The following TMEM135 variants were observed in gnomAD, a reference collection of about 807,000 sequenced individuals.
TMEM135 encodes the protein peroxisomal membrane protein 52.
Under a neutral mutation model 60.3 loss-of-function variants are expected in TMEM135, and 30 were observed. The ratio of observed to expected loss-of-function variants is 0.50; its 90% CI spans 0.37 to 0.68. The LOEUF (loss-of-function observed/expected upper bound fraction) is 0.68, where lower values mean the gene tolerates loss of function less well. Among genes scored for constraint, TMEM135 ranks in the 30% least tolerant of loss-of-function variants. TMEM135 has a pLI of 0.00. For synonymous variants in TMEM135, 190 were observed against 186.7 expected (o/e 1.02, Z -0.14); for missense variants, 468 against 548.8 (o/e 0.85, Z 1.47).
At chr11:87,141,322 A>G (rs560337686) in intron 4 of TMEM135, among the ~76,000 whole-genome samples, 42 of 152,124 alleles carry the variant, frequency 2.8e-4, no homozygotes, top group South Asian at 1.0e-3. Flanking sequence ...TTATTCCTAA[A>G]TGTTTAATAT....
chr11:87,108,097 G>A (rs1401699452), intron 4 of TMEM135, among the ~76,000 whole-genome samples: 2 of 152,050 alleles, frequency 1.3e-5, no homozygotes, highest in African/African-American at 2.4e-5. Flanking sequence ...TTGCCCACTT[G>A]TTGATGGGGT....
chr11:87,192,393 T>C (rs947059348), intron 5 of TMEM135, among the ~76,000 whole-genome samples: 10 of 152,150 alleles, frequency 6.6e-5, no homozygotes, highest in Admixed American at 2.6e-4. Flanking sequence ...ATTCAGAAGA[T>C]TGTTTCTTTT....
intron 5 of TMEM135, among the ~76,000 whole-genome samples, chr11:87,230,653 A>T (rs1014024120): frequency 1.3e-5 from 2 of 152,050 alleles, no homozygotes; most frequent in African/African-American, 4.8e-5. Flanking sequence ...GCTAAAGTTA[A>T]AATATGTAAA....
chr11:87,143,350 TTTTCTTTC>T (rs903631828), intron 4 of TMEM135, among the ~76,000 whole-genome samples: 1 of 149,622 alleles, frequency 6.7e-6, no homozygotes, highest in Non-Finnish European at 1.5e-5. Context: ...CATTGACTTC[TTTTCTTTC>T]TTTCTTTCTT....
At chr11:87,092,953 C>A (rs1035216011) in intron 4 of TMEM135, among the ~76,000 whole-genome samples, 1 of 148,506 alleles carries the variant, frequency 6.7e-6, no homozygotes, top group African/African-American at 2.5e-5. Context: ...GATCAGAACT[C>A]AGCTTTTGTA....
At chr11:87,126,064 G>A (rs939911191) in intron 4 of TMEM135, among the ~76,000 whole-genome samples, 4 of 152,022 alleles carry the variant, frequency 2.6e-5, no homozygotes, top group African/African-American at 9.7e-5. Flanking sequence ...TATTGTATTG[G>A]GATCTGCTTT....
intron 6 of TMEM135, among the ~76,000 whole-genome samples, chr11:87,244,719 C>T (rs1191092793): frequency 4.2e-5 from 6 of 141,226 alleles, no homozygotes; most frequent in Non-Finnish European, 7.8e-5. Context: ...TTTTTTATTG[C>T]ATCTATTTGA....
intron 3 of TMEM135, among the ~76,000 whole-genome samples, chr11:87,079,258 G>A (rs1183296940): frequency 6.6e-6 from 1 of 152,044 alleles, no homozygotes; most frequent in African/African-American, 2.4e-5. Flanking sequence ...CACCTGCCTC[G>A]GCCCCGCAAA....
At chr11:87,099,582 A>G (rs2513210) in intron 4 of TMEM135, among the ~76,000 whole-genome samples, 32,750 of 151,726 alleles carry the variant, frequency 0.22, 4,188 homozygotes, top group East Asian at 0.53. Context: ...CAAAGCTGCT[A>G]TAAATATTCA....
chr11:87,202,312 C>T (rs919956477), intron 5 of TMEM135, among the ~76,000 whole-genome samples: 10 of 152,158 alleles, frequency 6.6e-5, no homozygotes, highest in East Asian at 1.9e-4. Context: ...AGGCGTAAGC[C>T]GCCATGCCCA....
intron 3 of TMEM135, among the ~76,000 whole-genome samples, chr11:87,090,080 G>A (rs781714427): frequency 1.1e-4 from 17 of 152,040 alleles, no homozygotes; most frequent in Non-Finnish European, 2.2e-4. Flanking sequence ...AAATGCATTA[G>A]GATCTGCTGA....
At chr11:87,176,603 G>A (rs1472757532) in intron 5 of TMEM135, among the ~76,000 whole-genome samples, 1 of 152,156 alleles carries the variant, frequency 6.6e-6, no homozygotes, top group Non-Finnish European at 1.5e-5. Context: ...TCAAATAGGA[G>A]ATTGTACAAA....
At chr11:87,211,642 G>A (rs588499) in intron 5 of TMEM135, among the ~76,000 whole-genome samples, 19,794 of 152,094 alleles carry the variant, frequency 0.13, 1,339 homozygotes, top group Non-Finnish European at 0.15. Flanking sequence ...TCTGTTTTTC[G>A]ACTGCTCTTT....
At chr11:87,194,931 G>A (rs1591093562) in intron 5 of TMEM135, among the ~76,000 whole-genome samples, 1 of 152,084 alleles carries the variant, frequency 6.6e-6, no homozygotes, top group Non-Finnish European at 1.5e-5. Flanking sequence ...CTAAAATGAT[G>A]CATATATGTT....
chr11:87,062,213 T>G (rs1314435315), intron 1 of TMEM135, among the ~76,000 whole-genome samples: 1 of 151,374 alleles, frequency 6.6e-6, no homozygotes, highest in Non-Finnish European at 1.5e-5. Flanking sequence ...ATCATGTTGG[T>G]CAGGCTGGTC....
chr11:87,095,421 ACT>A, intron 4 of TMEM135: 1 of 211,252 alleles, frequency 4.7e-6, no homozygotes, highest in South Asian at 9.1e-5. Flanking sequence ...TTCAGCACTA[ACT>A]CTCTCTCTTG....
At chr11:87,056,978 T>G (rs1212305185) in intron 1 of TMEM135, among the ~76,000 whole-genome samples, 1 of 152,222 alleles carries the variant, frequency 6.6e-6, no homozygotes, top group Non-Finnish European at 1.5e-5. Context: ...TGGCAGGGTA[T>G]GAAAGAGTGT....
At chr11:87,096,074 A>G (rs1324142352) in intron 4 of TMEM135, 1 of 235,698 alleles carries the variant, frequency 4.2e-6, no homozygotes, top group Non-Finnish European at 8.9e-6. Flanking sequence ...CTACTCCTGC[A>G]TGACCACTAA....
intron 4 of TMEM135, among the ~76,000 whole-genome samples, chr11:87,129,693 C>T (rs1018342248): frequency 6.6e-6 from 1 of 150,502 alleles, no homozygotes; most frequent in African/African-American, 2.4e-5. Context: ...GGCCTGTGCC[C>T]CCACACCTGG....
Sources: allele counts gnomAD v4.1 joint callset (sites outside exome capture counted in the v4.1 genomes callset), GRCh38; gene constraint gnomAD v4.1.1; transcripts MANE v1.5; gene names NCBI Gene and HGNC (gene_info 2026-07-23, HGNC 2026-07-21).